Variants in GLRA2 observed in about 807,000 individuals in gnomAD.
GLRA2 encodes glycine receptor alpha 2.
GLRA2 carries 11 observed loss-of-function variants against 31.6 expected under a neutral mutation model. The ratio of observed to expected loss-of-function variants is 0.35; its 90% CI spans 0.22 to 0.58. The LOEUF (loss-of-function observed/expected upper bound fraction) is 0.58. Among genes scored for constraint, GLRA2 ranks in the 20% least tolerant of loss-of-function variants. GLRA2 has a pLI of 0.84. For synonymous variants in GLRA2, 132 were observed against 134.0 expected (o/e 0.99, Z 0.10); for missense variants, 212 against 351.8 (o/e 0.60, Z 3.18).
chrX:14,676,875 A>C (rs767567558), intron 7 of GLRA2, among the ~76,000 whole-genome samples: 10 of 112,005 alleles, frequency 8.9e-5, no homozygotes, highest in African/African-American at 3.2e-4. Flanking sequence ...GTTTTCAAAA[A>C]TGCCAAGACA....
At chrX:14,706,932 A>G (rs1190854535) in intron 8 of GLRA2, among the ~76,000 whole-genome samples, 1 of 112,251 alleles carries the variant, frequency 8.9e-6, no homozygotes, top group Non-Finnish European at 1.9e-5. Context: ...TCGTACAGCC[A>G]ATTCCTGACT....
At chrX:14,726,319 C>T (rs1229671345) in intron 8 of GLRA2, among the ~76,000 whole-genome samples, 1 of 111,971 alleles carries the variant, frequency 8.9e-6, no homozygotes, top group East Asian at 2.8e-4. Flanking sequence ...AAACCATCTC[C>T]TTTGATGTGA....
chrX:14,487,554 T>C, the GLRA2 span, among the ~76,000 whole-genome samples: 2 of 111,519 alleles, frequency 1.8e-5, no homozygotes, highest in Non-Finnish European at 3.8e-5. Context: ...ACTTAACTCA[T>C]CAAGTGCCAG....
At chrX:14,458,475 T>G in the GLRA2 span, among the ~76,000 whole-genome samples, 3 of 112,313 alleles carry the variant, frequency 2.7e-5, no homozygotes, top group African/African-American at 9.7e-5. Flanking sequence ...TGAACTAGTT[T>G]ACAGTCCCAC....
At chrX:14,492,830 A>G in the GLRA2 span, among the ~76,000 whole-genome samples, 33 of 112,094 alleles carry the variant, frequency 2.9e-4, no homozygotes, top group African/African-American at 1.0e-3. Flanking sequence ...TACGTCTCAC[A>G]GTTCTGAAGT....
rs746361398 is a variant in GLRA2 at position 14,672,082 on chromosome X, A to G, written c.931-18628A>G. Among the ~76,000 whole-genome samples the G allele has an allele frequency of 3.2e-4, 36 of 112,235 alleles. No homozygotes were observed. The South Asian group carries it at 0.011, about 35-fold the overall frequency. ...AAAATTATCAGCCCGATCCTTTTAT[A>G]TCCCAAGTGGGAGTGTGAGACCCCA... is the stretch of plus-strand genomic sequence containing the variant. On this transcript the variant is annotated intron_variant, in intron 7 of 8. Coordinates refer to ENST00000218075, the MANE Select transcript of GLRA2 (RefSeq NM_002063.4).
At chrX:14,528,082 A>G (rs1013733440), upstream of GLRA2, among the ~76,000 whole-genome samples, 2 of 112,397 alleles carry the variant, frequency 1.8e-5, no homozygotes, top group African/African-American at 6.5e-5. Flanking sequence ...ACTGGGATAG[A>G]CATCTTATGA....
At chrX:14,642,930 A>G (rs949423585) in intron 7 of GLRA2, among the ~76,000 whole-genome samples, 2 of 111,404 alleles carry the variant, frequency 1.8e-5, no homozygotes, top group African/African-American at 6.5e-5. Flanking sequence ...CTAAAATAGG[A>G]AGATCATCTA....
the GLRA2 span, among the ~76,000 whole-genome samples, chrX:14,512,156 A>G: frequency 9.0e-6 from 1 of 111,527 alleles, no homozygotes; most frequent in Non-Finnish European, 1.9e-5. Flanking sequence ...TGGCCCCTAT[A>G]TGGCTGTCCA....
intron 7 of GLRA2, among the ~76,000 whole-genome samples, chrX:14,644,173 C>T (rs1036671700): frequency 1.8e-5 from 2 of 111,722 alleles, no homozygotes; most frequent in South Asian, 7.7e-4. Context: ...CTTTGCCCTT[C>T]TTCTGTGGCC....
chrX:14,711,449 G>T (rs2091708795), intron 8 of GLRA2, among the ~76,000 whole-genome samples: 1 of 112,174 alleles, frequency 8.9e-6, no homozygotes, highest in Non-Finnish European at 1.9e-5. Flanking sequence ...AGCTGAGGCG[G>T]TGTGGGCCTG....
chrX:14,662,123 C>T (rs965089839), intron 7 of GLRA2, among the ~76,000 whole-genome samples: 6 of 109,149 alleles, frequency 5.5e-5, no homozygotes, highest in Non-Finnish European at 1.1e-4. Context: ...ATCAGGACAC[C>T]GAGATTTATT....
At chrX:14,681,910 A>AAATATATATATATATATATATATAT (rs758563376) in intron 7 of GLRA2, among the ~76,000 whole-genome samples, 1 of 41,274 alleles carries the variant, frequency 2.4e-5, no homozygotes, top group African/African-American at 1.2e-4. Flanking sequence ...AAAAAAAAAA[A>AAATATATATATATATATATATATAT]ATATATATAT....
At chrX:14,706,414 A>G (rs2091623060) in intron 8 of GLRA2, among the ~76,000 whole-genome samples, 1 of 112,522 alleles carries the variant, frequency 8.9e-6, no homozygotes, top group African/African-American at 3.2e-5. Flanking sequence ...CTATTAAGAC[A>G]TGGTAAAAAG....
upstream of GLRA2, among the ~76,000 whole-genome samples, chrX:14,525,890 T>C (rs186504544): frequency 2.4e-4 from 27 of 112,228 alleles, no homozygotes; most frequent in African/African-American, 8.1e-4. Flanking sequence ...AATTATATAC[T>C]AGTTATCATC....
At chrX:14,644,321 A>G (rs2090806321) in intron 7 of GLRA2, among the ~76,000 whole-genome samples, 1 of 111,984 alleles carries the variant, frequency 8.9e-6, no homozygotes. Context: ...ATGAGTTTAG[A>G]TAGACTAGTG....
At chrX:14,465,434 G>A in the GLRA2 span, among the ~76,000 whole-genome samples, 1 of 112,157 alleles carries the variant, frequency 8.9e-6, no homozygotes, top group African/African-American at 3.2e-5. Context: ...CAATTTGGAT[G>A]CCCTTTATTT....
Position 14,730,239 on chromosome X carries a change from T to C in GLRA2, c.1113T>C (p.Asn371=), listed in dbSNP as rs762412968. Reference sequence around the variant, plus strand: ...ACGTTACTCGTGAAAGTCGTTTTAATTTTAGCGGTTATGGGATGGGTCACT... The same window carrying C: ...ACGTTACTCGTGAAAGTCGTTTTAACTTTAGCGGTTATGGGATGGGTCACT... The part of the protein sequence containing the change: ...EEDVTRESRF[N]FSGYGMGHCL... Residue 371 remains asparagine, a synonymous_variant, in exon 9 of 9, where the codon AAT becomes AAC. Coordinates refer to ENST00000218075, the MANE Select transcript of GLRA2 (RefSeq NM_002063.4). The C allele has an allele frequency of 8.3e-7, 1 of 1,202,006 alleles. No homozygotes were observed. Among genetic ancestry groups the C allele is most frequent in the African/African-American group, 1.7e-5 (1 of 57,544 alleles).
At chrX:14,487,379 G>A in the GLRA2 span, among the ~76,000 whole-genome samples, 1 of 49,849 alleles carries the variant, frequency 2.0e-5, no homozygotes, top group African/African-American at 9.6e-5. Flanking sequence ...TAATTCATTG[G>A]TTTTCTGTAA....
Sources: gnomAD v4.1 joint callset for allele counts (sites outside exome capture counted in the v4.1 genomes callset) on GRCh38, gnomAD v4.1.1 for gene constraint, MANE v1.5 for transcripts, NCBI Gene and HGNC (gene_info 2026-07-23, HGNC 2026-07-21) for gene names.